Variants in IRAK1BP1 observed in about 807,000 individuals in gnomAD.
IRAK1BP1 encodes interleukin 1 receptor associated kinase 1 binding protein 1.
A neutral mutation model predicts 28.0 loss-of-function variants in IRAK1BP1; 24 were observed. The observed-to-expected ratio is 0.86, with a 90% CI of 0.62 to 1.20. The LOEUF is 1.20. Ranked by LOEUF, IRAK1BP1 falls within the 50% of genes most tolerant of loss-of-function variation. The probability of loss-of-function intolerance (pLI) is 0.00; values close to 1 mark genes in which losing one functional copy is unlikely to be tolerated. For synonymous variants in IRAK1BP1, 131 were observed against 116.3 expected (o/e 1.13, Z -0.81); for missense variants, 336 against 316.7 (o/e 1.06, Z -0.46).
chr6:78,886,606 A>G (rs1178062636), intron 2 of IRAK1BP1, among the ~76,000 whole-genome samples: 1 of 152,186 alleles, frequency 6.6e-6, no homozygotes, highest in Non-Finnish European at 1.5e-5. Flanking sequence ...TCAGATTGTA[A>G]TAAATATAGA....
intron 4 of IRAK1BP1, among the ~76,000 whole-genome samples, chr6:78,913,131 C>G (rs780911016): frequency 2.0e-5 from 3 of 151,130 alleles, no homozygotes; most frequent in African/African-American, 7.3e-5. Context: ...GTCAGGAGAT[C>G]GAGACCATCC....
At chr6:78,881,187 C>T (rs113518384) in intron 1 of IRAK1BP1, among the ~76,000 whole-genome samples, 1 of 152,076 alleles carries the variant, frequency 6.6e-6, no homozygotes, top group East Asian at 1.9e-4. Flanking sequence ...TATTATTCAG[C>T]AATAAAAAGG....
At chr6:78,971,726 G>GT in the IRAK1BP1 span, among the ~76,000 whole-genome samples, 3 of 152,180 alleles carry the variant, frequency 2.0e-5, no homozygotes, top group African/African-American at 7.2e-5. Flanking sequence ...GAAGCACAGG[G>GT]AGTCAGGGAG....
the IRAK1BP1 span, among the ~76,000 whole-genome samples, chr6:78,970,607 T>C: frequency 2.0e-5 from 3 of 152,162 alleles, no homozygotes; most frequent in Admixed American, 6.5e-5. Flanking sequence ...CAGTCAAATC[T>C]TGTGTTTCTC....
intron 2 of IRAK1BP1, among the ~76,000 whole-genome samples, chr6:78,886,861 C>A (rs974397121): frequency 7.9e-5 from 12 of 152,050 alleles, no homozygotes; most frequent in Admixed American, 6.6e-5. Context: ...TCTGCTTTAC[C>A]TTTTTAATGT....
At chr6:78,973,763 T>A in the IRAK1BP1 span, among the ~76,000 whole-genome samples, 1 of 151,454 alleles carries the variant, frequency 6.6e-6, no homozygotes, top group African/African-American at 2.4e-5. Context: ...CCAACAAAGA[T>A]CAAAAGAGAC....
chr6:78,900,351 C>T lies in IRAK1BP1; in HGVS notation c.*2017C>T, dbSNP rs1427383777. ...TATACATCTAGGTCATAGAGTTTTT[C>T]CATTGATAAATCTGGATGTTTATAT... On this transcript the variant is annotated 3_prime_UTR_variant, in exon 4 of 4. Coordinates refer to ENST00000369940, the MANE Select transcript of IRAK1BP1 (RefSeq NM_001010844.4). The T allele has an allele frequency of 6.6e-6, 1 of 152,220 alleles. No individual in the cohort carries two copies. Among genetic ancestry groups the T allele is most frequent in the East Asian group, 1.9e-4 (1 of 5,202 alleles). 9.4% of individuals were successfully genotyped at this position (152,220 alleles called of 1,614,324 possible).
At chr6:78,974,118 A>T in the IRAK1BP1 span, among the ~76,000 whole-genome samples, 1 of 151,928 alleles carries the variant, frequency 6.6e-6, no homozygotes, top group South Asian at 2.1e-4. Context: ...TTGACCACAT[A>T]CTTGGAAGTA....
chr6:78,912,973 A>G (rs1772466236), intron 4 of IRAK1BP1, among the ~76,000 whole-genome samples: 1 of 152,138 alleles, frequency 6.6e-6, no homozygotes, highest in African/African-American at 2.4e-5. Flanking sequence ...ATAAGCATAT[A>G]TATGTGGGTG....
chr6:78,963,921 CTCTATAGGT>C, the IRAK1BP1 span, among the ~76,000 whole-genome samples: 6 of 152,114 alleles, frequency 3.9e-5, no homozygotes, highest in Non-Finnish European at 8.8e-5. Context: ...TACGATTAAA[CTCTATAGGT>C]TCGTATGAAT....
In IRAK1BP1 at chr6:78,941,005, C is replaced by A. The variant is rs565631371; in HGVS notation, c.*68-4403C>A. On this transcript the variant is annotated intron_variant and NMD_transcript_variant, in intron 4 of 4. Transcript: ENST00000606868. ...CATCTAATTTTTGTGTCTTCATCTT[C>A]CTTTTGGGCTTCCTACCTCCACGAT... 3.9e-5 allele frequency: 63 copies of A among 1,613,796 alleles called. No individual in the cohort carries two copies. The highest frequency in any genetic ancestry group is 5.0e-5 in the Non-Finnish European group (59 of 1,179,876).
At chr6:78,906,313 G>T (rs1001228290), downstream of IRAK1BP1, among the ~76,000 whole-genome samples, 1 of 152,064 alleles carries the variant, frequency 6.6e-6, no homozygotes, top group South Asian at 2.1e-4. Context: ...ACAGATTGAG[G>T]TCACTTTTTC....
the IRAK1BP1 span, among the ~76,000 whole-genome samples, chr6:78,953,709 T>G: frequency 2.0e-5 from 3 of 152,176 alleles, no homozygotes; most frequent in African/African-American, 7.2e-5. Flanking sequence ...TGAAATTTCT[T>G]TATTTTCATC....
chr6:78,885,613 A>C (rs1363757987), intron 2 of IRAK1BP1, among the ~76,000 whole-genome samples, 170 bp downstream of exon 2: 3 of 152,140 alleles, frequency 2.0e-5, no homozygotes, highest in Non-Finnish European at 2.9e-5. Context: ...AATAAACTTG[A>C]GATTTAAAAG....
At chr6:78,918,040 TA>T (rs1234759621) in intron 4 of IRAK1BP1, among the ~76,000 whole-genome samples, 1 of 152,166 alleles carries the variant, frequency 6.6e-6, no homozygotes, top group African/African-American at 2.4e-5. Flanking sequence ...AGCAGCTAGC[TA>T]ATAACTTCAT....
chr6:78,874,724 A>G (rs78026638), intron 1 of IRAK1BP1, among the ~76,000 whole-genome samples: 1 of 152,220 alleles, frequency 6.6e-6, no homozygotes, highest in Non-Finnish European at 1.5e-5. Context: ...TAATTTCAGG[A>G]TAATGGCTGA....
chr6:78,917,970 A>G (rs1772605348), intron 4 of IRAK1BP1, among the ~76,000 whole-genome samples: 1 of 152,196 alleles, frequency 6.6e-6, no homozygotes, highest in Admixed American at 6.5e-5. Context: ...CACAAAACAC[A>G]CTTAAGTACA....
At chr6:78,887,497 C>T (rs1771470412) in intron 2 of IRAK1BP1, among the ~76,000 whole-genome samples, 1 of 152,070 alleles carries the variant, frequency 6.6e-6, no homozygotes, top group Non-Finnish European at 1.5e-5. Context: ...AACCCCATCT[C>T]TACTAAAAAT....
intron 2 of IRAK1BP1, among the ~76,000 whole-genome samples, chr6:78,893,348 A>ATC (rs1771751569): frequency 7.9e-6 from 1 of 126,042 alleles, no homozygotes; most frequent in East Asian, 2.3e-4. Flanking sequence ...ATATATATAT[A>ATC]TCAACGAAGA....
Sources: gnomAD v4.1 joint callset for allele counts (sites outside exome capture counted in the v4.1 genomes callset) on GRCh38, gnomAD v4.1.1 for gene constraint, MANE v1.5 for transcripts, NCBI Gene and HGNC (gene_info 2026-07-23, HGNC 2026-07-21) for gene names.